Variants in RPSA2 observed in about 807,000 individuals in gnomAD.
The protein encoded by RPSA2 is ribosomal protein SA 2.
chr19:23,810,410 AAAAAAAAAAAGGG>A, the RPSA2 span, among the ~76,000 whole-genome samples: 7 of 5,920 alleles, frequency 1.2e-3, no homozygotes, highest in Non-Finnish European at 0.078. Flanking sequence ...AAAAAAAAAA[AAAAAAAAAAAGGG>A]AAAAGGGCTT....
the RPSA2 span, among the ~76,000 whole-genome samples, chr19:23,795,575 A>G: frequency 9.2e-5 from 14 of 152,126 alleles, no homozygotes; most frequent in African/African-American, 1.4e-4. Flanking sequence ...TTTTTCCACC[A>G]AGACTATACA....
the RPSA2 span, among the ~76,000 whole-genome samples, chr19:23,800,670 G>A: frequency 6.6e-6 from 1 of 152,022 alleles, no homozygotes; most frequent in African/African-American, 2.4e-5. Flanking sequence ...CTGGAGTACA[G>A]TGGCACAATC....
the RPSA2 span, among the ~76,000 whole-genome samples, chr19:23,759,958 C>T: frequency 1.3e-5 from 2 of 152,170 alleles, no homozygotes; most frequent in South Asian, 4.1e-4. Flanking sequence ...CATCTCAACA[C>T]TCCAAGGCTA....
At chr19:23,762,210 C>G in the RPSA2 span, among the ~76,000 whole-genome samples, 1 of 151,374 alleles carries the variant, frequency 6.6e-6, no homozygotes, top group African/African-American at 2.4e-5. Flanking sequence ...GCCACCGTGC[C>G]CGGCCCGGTA....
the RPSA2 span, among the ~76,000 whole-genome samples, chr19:23,801,638 C>T: frequency 6.6e-6 from 1 of 152,162 alleles, no homozygotes; most frequent in Non-Finnish European, 1.5e-5. Context: ...TGAAGCTGTT[C>T]ACTATTGCCA....
At chr19:23,816,878 C>T in the RPSA2 span, among the ~76,000 whole-genome samples, 7 of 152,142 alleles carry the variant, frequency 4.6e-5, no homozygotes, top group Non-Finnish European at 1.0e-4. Flanking sequence ...CAGAAGAGAC[C>T]TGCCCCCATG....
At chr19:23,844,548 T>C in the RPSA2 span, among the ~76,000 whole-genome samples, 2 of 152,126 alleles carry the variant, frequency 1.3e-5, no homozygotes, top group African/African-American at 4.8e-5. Context: ...TTACTATGCT[T>C]TTAGTTTGAG....
chr19:23,804,858 G>C, the RPSA2 span, among the ~76,000 whole-genome samples: 1 of 152,106 alleles, frequency 6.6e-6, no homozygotes, highest in Non-Finnish European at 1.5e-5. Flanking sequence ...CCTTTTCACA[G>C]TTTGCTTAAT....
chr19:23,779,247 G>A, the RPSA2 span, among the ~76,000 whole-genome samples: 27 of 152,116 alleles, frequency 1.8e-4, no homozygotes, highest in Non-Finnish European at 2.9e-4. Context: ...TGATCCACCC[G>A]CCTCAGCCTC....
chr19:23,827,741 C>G, the RPSA2 span: 1 of 1,575,170 alleles, frequency 6.3e-7, no homozygotes, highest in South Asian at 1.1e-5. Context: ...CCGTGAACAC[C>G]CATGGGAGGT....
the RPSA2 span, among the ~76,000 whole-genome samples, chr19:23,825,278 T>C: frequency 6.6e-6 from 1 of 152,230 alleles, no homozygotes; most frequent in Non-Finnish European, 1.5e-5. Flanking sequence ...TTTAACTTTG[T>C]TTTGCAATTA....
chr19:23,858,734 C>T, the RPSA2 span, among the ~76,000 whole-genome samples: 1,801 of 152,304 alleles, frequency 0.012, 40 homozygotes, highest in African/African-American at 0.04. Flanking sequence ...GTAGCTCCAT[C>T]TTCCCTTGTC....
At chr19:23,838,817 A>T in the RPSA2 span, among the ~76,000 whole-genome samples, 4 of 151,772 alleles carry the variant, frequency 2.6e-5, no homozygotes, top group Non-Finnish European at 5.9e-5. Context: ...TTTCTCAGTG[A>T]GGTTATTTGG....
the RPSA2 span, among the ~76,000 whole-genome samples, chr19:23,783,796 C>T: frequency 6.6e-6 from 1 of 152,154 alleles, no homozygotes; most frequent in South Asian, 2.1e-4. Context: ...TGACATATTG[C>T]TGGGTCAAGC....
chr19:23,841,501 T>G, the RPSA2 span, among the ~76,000 whole-genome samples: 1 of 152,194 alleles, frequency 6.6e-6, no homozygotes, highest in Non-Finnish European at 1.5e-5. Context: ...TAACAGGTAC[T>G]TTGGAGAAAC....
chr19:23,834,369 G>T, the RPSA2 span, among the ~76,000 whole-genome samples: 2 of 151,872 alleles, frequency 1.3e-5, no homozygotes, highest in African/African-American at 4.8e-5. Context: ...ACTAATTGTT[G>T]CTGGACAAAA....
At chr19:23,759,487 G>C in the RPSA2 span, among the ~76,000 whole-genome samples, 1 of 144,510 alleles carries the variant, frequency 6.9e-6, no homozygotes, top group African/African-American at 2.6e-5. Context: ...ACTGAGCCTC[G>C]GCACCTCCAG....
At chr19:23,847,813 C>A in the RPSA2 span, among the ~76,000 whole-genome samples, 1 of 152,102 alleles carries the variant, frequency 6.6e-6, no homozygotes, top group African/African-American at 2.4e-5. Context: ...AGACCTCCCC[C>A]CAGGAATGCA....
chr19:23,845,707 G>A, the RPSA2 span, among the ~76,000 whole-genome samples: 20 of 152,284 alleles, frequency 1.3e-4, no homozygotes, highest in African/African-American at 4.1e-4. Flanking sequence ...TGCTCAGGCC[G>A]TCTCAAACTG....
Sources: gnomAD v4.1 joint callset for allele counts (sites outside exome capture counted in the v4.1 genomes callset) on GRCh38, gnomAD v4.1.1 for gene constraint, MANE v1.5 for transcripts, NCBI Gene and HGNC (gene_info 2026-07-23, HGNC 2026-07-21) for gene names.